Variants in RELN observed in about 807,000 individuals in gnomAD.
The protein encoded by RELN is reelin.
In RELN, 108 loss-of-function variants were observed where a neutral mutation model predicts 427.6. The ratio of observed to expected loss-of-function variants is 0.25; its 90% confidence interval spans 0.22 to 0.30. The LOEUF (loss-of-function observed/expected upper bound fraction) is 0.30. Ranked by LOEUF, RELN falls within the 10% of genes least tolerant of loss-of-function variation. RELN has a pLI of 1.00. For missense variants in RELN, 3,715 were observed against 4,302.8 expected (o/e 0.86, Z 3.82); for synonymous variants, 1,524 against 1,513.4 (o/e 1.01, Z -0.16).
At chr7:103,661,313 C>G (rs765235225) in intron 12 of RELN, 63 bp downstream of exon 12, 72 of 1,519,188 alleles carry the variant, frequency 4.7e-5, no homozygotes, top group Non-Finnish European at 6.6e-5. Flanking sequence ...CTTACTTCCT[C>G]AGGAATAGGT....
chr7:103,745,413 C>T (rs926608252), intron 6 of RELN, among the ~76,000 whole-genome samples: 4 of 150,480 alleles, frequency 2.7e-5, no homozygotes, highest in East Asian at 1.9e-4. Context: ...AAGTTCTGGC[C>T]AGGGCAATTA....
At chr7:103,972,894 A>ATGTATGTGTGTGTG (rs1554450649) in intron 1 of RELN, among the ~76,000 whole-genome samples, 2 of 149,166 alleles carry the variant, frequency 1.3e-5, no homozygotes, top group Admixed American at 6.7e-5. Flanking sequence ...GCATATGATT[A>ATGTATGTGTGTGTG]TGTGTGTGTG....
rs527784729 is a variant in RELN, at chr7:103,949,182, G to A, written c.227-31997C>T. 4.7e-4 allele frequency among the ~76,000 whole-genome samples: 71 copies of A among 152,018 alleles called. 1 individual carries two copies. The highest frequency in any genetic ancestry group is 1.7e-3 in the African/African-American group (69 of 41,472). On this transcript the variant is annotated intron_variant, in intron 1 of 64. Transcript: ENST00000428762. ...AGTTTTAATTCTCAAAAACTTATGTGTCAAAAATCTAGAATGGAGAGTATT... is the reference window on the plus strand; with the variant it reads ...AGTTTTAATTCTCAAAAACTTATGTATCAAAAATCTAGAATGGAGAGTATT...
Position 103,498,125 on chromosome 7 carries a change from G to C in RELN, c.8795C>G (p.Ser2932Cys). 1 of 1,613,998 alleles carries C rather than the reference G, an allele frequency of 6.2e-7. No homozygotes were observed. Among genetic ancestry groups the C allele is most frequent in the South Asian group, 1.1e-5 (1 of 91,074 alleles). ...AEDTALYFGG[S>C]TVRQAVTQDL... Reference sequence around the variant, plus strand: ...TTGTGTAACCGCTTGTCTCACAGTGGATCCCCCAAAATAGAGTGCAGTGTC... The same window carrying C: ...TTGTGTAACCGCTTGTCTCACAGTGCATCCCCCAAAATAGAGTGCAGTGTC... The change falls in exon 54 of 65, where the codon TCC becomes TGC. Residue 2932 changes from serine (S) to cysteine (C), a missense_variant. Around this residue, in one of 4 missense-constraint regions of RELN, gnomAD observed 1,310 missense variants for 1,643.0 expected, o/e 0.80. Coordinates refer to ENST00000428762, the MANE Select transcript of RELN (RefSeq NM_005045.4).
chr7:103,609,222 C>CAAAAAAA (rs11342938), intron 22 of RELN, among the ~76,000 whole-genome samples: 3 of 120,704 alleles, frequency 2.5e-5, no homozygotes, highest in African/African-American at 3.0e-5. Context: ...GACTCTGTCT[C>CAAAAAAA]AAAAAAAAAA....
chr7:103,611,933 A>T lies in RELN; in HGVS notation c.2703-130T>A, dbSNP rs1433260879. 1.2e-5 allele frequency: 9 copies of T among 757,024 alleles called. No individual in the cohort carries two copies. The African/African-American group carries it at 1.6e-4, about 13-fold the overall frequency. 46.9% of individuals were successfully genotyped at this position (757,024 alleles called of 1,614,324 possible). Reference sequence around the variant, plus strand: ...TGTTTAAACCTTGCCAAATTCTAGAATGGATTTCGGTCAATCTAATAAATG... The same window carrying T: ...TGTTTAAACCTTGCCAAATTCTAGATTGGATTTCGGTCAATCTAATAAATG... On this transcript the variant is annotated intron_variant, in intron 20 of 64. Coordinates refer to ENST00000428762, the MANE Select transcript of RELN (RefSeq NM_005045.4).
intron 25 of RELN, among the ~76,000 whole-genome samples, chr7:103,595,834 A>G (rs1421509321): frequency 6.6e-6 from 1 of 152,188 alleles, no homozygotes; most frequent in African/African-American, 2.4e-5. Context: ...CAAAAGAACT[A>G]AATTTAAATA....
chr7:103,647,777 G>T (rs1199507361), intron 16 of RELN, among the ~76,000 whole-genome samples: 1 of 151,954 alleles, frequency 6.6e-6, no homozygotes, highest in Non-Finnish European at 1.5e-5. Flanking sequence ...AAAGCTGGAG[G>T]CATCACATTA....
chr7:103,493,787 T>C (rs1584228750), intron 57 of RELN, among the ~76,000 whole-genome samples: 1 of 152,138 alleles, frequency 6.6e-6, no homozygotes, highest in East Asian at 1.9e-4. Context: ...CAGTGTCAAA[T>C]AGTGTAGAGA....
Position 103,953,097 on chromosome 7 carries a change from G to A in RELN, c.227-35912C>T, listed in dbSNP as rs541742856. 9.9e-5 allele frequency among the ~76,000 whole-genome samples: 15 copies of A among 151,906 alleles called. No homozygotes were observed. Among genetic ancestry groups the A allele is most frequent in the Middle Eastern group, 3.2e-3 (1 of 316 alleles). ...TCTACCGTTCTCTTCCTCATCCCAC[G>A]CGCTGATTCAAGCTCCAAGATTCCT... is the stretch of plus-strand genomic sequence containing the variant. On this transcript the variant is annotated intron_variant, in intron 1 of 64. Transcript: ENST00000428762. This position sits in a 1 kb window ranked among gnomAD's most constrained non-coding sequence, Gnocchi z 4.3.
At chr7:103,970,212 G>A (rs954399832) in intron 1 of RELN, among the ~76,000 whole-genome samples, 25 of 150,166 alleles carry the variant, frequency 1.7e-4, no homozygotes, top group East Asian at 3.9e-4. Context: ...GTGTGATCTC[G>A]GCTCATGGCA....
intron 3 of RELN, among the ~76,000 whole-genome samples, chr7:103,788,546 T>G (rs138599165): frequency 6.6e-6 from 1 of 151,824 alleles, no homozygotes; most frequent in South Asian, 2.1e-4. Flanking sequence ...AAACCAATAA[T>G]AGACAAACAG....
intron 4 of RELN, among the ~76,000 whole-genome samples, chr7:103,760,414 G>GT (rs1239428668): frequency 6.6e-6 from 1 of 151,966 alleles, no homozygotes; most frequent in East Asian, 1.9e-4. Context: ...TGACATATGT[G>GT]TTTTTTTCTT....
intron 10 of RELN, among the ~76,000 whole-genome samples, chr7:103,690,128 T>C (rs995767993): frequency 1.3e-5 from 2 of 152,152 alleles, no homozygotes; most frequent in Non-Finnish European, 2.9e-5. Context: ...ATTATTACTA[T>C]TATTTATCAT....
chr7:103,650,230 C>T (rs758768538), intron 16 of RELN, 44 bp downstream of exon 16: 1 of 1,156,018 alleles, frequency 8.7e-7, no homozygotes, highest in East Asian at 2.3e-5. Flanking sequence ...CACAGGAAGA[C>T]TCTACATCAA....
chr7:103,786,003 C>G (rs981523900), intron 3 of RELN, among the ~76,000 whole-genome samples: 3 of 151,694 alleles, frequency 2.0e-5, no homozygotes, highest in Non-Finnish European at 4.4e-5. Context: ...GATTTCTAAC[C>G]TAGTTAATTA....
chr7:103,540,808 A>AT (rs1830161322), intron 43 of RELN, among the ~76,000 whole-genome samples: 1 of 152,182 alleles, frequency 6.6e-6, no homozygotes. Flanking sequence ...GTTGTCATCT[A>AT]TTTAAGATAA....
At position 103,603,447 on chromosome 7, in the gene RELN, C is replaced by T. The variant is rs114389730; in HGVS notation, c.3190G>A (p.Ala1064Thr). 80 of 1,613,976 alleles carry T rather than the reference C, an allele frequency of 5.0e-5. 1 individual carries two copies. The East Asian group carries it at 1.6e-3, about 32-fold the overall frequency. Residue 1064 changes from alanine (A) to threonine (T), a missense_variant, in exon 24 of 65, where the codon GCC becomes ACC. Physicochemically the swap from Ala to Thr is moderately conservative, Grantham distance 58. Transcript: ENST00000428762. The surrounding 1 kb of genome is among the most constrained non-coding windows in gnomAD (Gnocchi z 4.3). ...YQGTECHPEA[A>T]LPSTIMSDFE... is the part of the protein sequence containing the mutation. ...TCTGACATAATTGTGGACGGAAGGGCAGCTTCTGGGTGGCATTCAGTGCCT... is the reference window on the plus strand; with the variant it reads ...TCTGACATAATTGTGGACGGAAGGGTAGCTTCTGGGTGGCATTCAGTGCCT...
intron 2 of RELN, among the ~76,000 whole-genome samples, chr7:103,867,326 C>T (rs1238087663): frequency 6.6e-6 from 1 of 151,706 alleles, no homozygotes; most frequent in Non-Finnish European, 1.5e-5. Context: ...TAATAGTTCC[C>T]CAAAATGTCA....
Sources: gnomAD v4.1 joint callset for allele counts (sites outside exome capture counted in the v4.1 genomes callset) on GRCh38, gnomAD v4.1.1 for gene constraint, gnomAD v4.1.1 regional missense constraint, Gnocchi (gnomAD v3.1) non-coding constraint, MANE v1.5 for transcripts, NCBI Gene and HGNC (gene_info 2026-07-23, HGNC 2026-07-21) for gene names.